LAMA4: variants seen among roughly 807,000 people sequenced by gnomAD.
The protein encoded by LAMA4 is laminin subunit alpha 4.
Under a neutral mutation model 207.1 loss-of-function variants are expected in LAMA4, and 127 were observed. The observed-to-expected ratio is 0.61, with a 90% CI of 0.53 to 0.71. The LOEUF is 0.71. Ranked by LOEUF, LAMA4 falls within the 30% of genes least tolerant of loss-of-function variation. The pLI, the probability that LAMA4 is intolerant of heterozygous loss-of-function variation, is 0.00. For missense variants in LAMA4, 2,093 were observed against 2,246.5 expected, an observed-to-expected ratio of 0.93 and a Z score of 1.38; for synonymous variants, 761 against 816.0, an observed-to-expected ratio of 0.93 and a Z score of 1.15.
chr6:112,156,059 CAGCATTGTTATTTCCTTTCTGTAG>C (rs1457975456), intron 14 of LAMA4, among the ~76,000 whole-genome samples: 1 of 152,194 alleles, frequency 6.6e-6, no homozygotes, highest in African/African-American at 2.4e-5. Context: ...TTATCCAAAT[CAGCATTGTTATTTCCTTTCTGTAG>C]AGGAAGCCAA....
At chr6:112,224,032 C>G (rs530023616) in intron 2 of LAMA4, among the ~76,000 whole-genome samples, 15 of 152,276 alleles carry the variant, frequency 9.9e-5, no homozygotes, top group African/African-American at 3.6e-4. Context: ...GAAAGAGAAG[C>G]CTTCTATCTG....
intron 28 of LAMA4, among the ~76,000 whole-genome samples, chr6:112,131,627 T>C (rs1343115051): frequency 4.6e-5 from 7 of 152,148 alleles, no homozygotes; most frequent in Non-Finnish European, 8.8e-5. Flanking sequence ...TTTCCTTATA[T>C]GGGCACCAAC....
intron 2 of LAMA4, among the ~76,000 whole-genome samples, chr6:112,248,326 C>T (rs1401617278): frequency 7.2e-5 from 11 of 151,816 alleles, no homozygotes; most frequent in African/African-American, 2.7e-4. Context: ...CGGTGAAACC[C>T]GTCTCTACTA....
At chr6:112,146,428 C>G (rs1457858932) in intron 18 of LAMA4, among the ~76,000 whole-genome samples, 1 of 152,138 alleles carries the variant, frequency 6.6e-6, no homozygotes, top group Non-Finnish European at 1.5e-5. Context: ...GCAGCAGCAG[C>G]ATCACCAGGA....
intron 22 of LAMA4, among the ~76,000 whole-genome samples, chr6:112,140,151 C>A (rs1240841901): frequency 6.6e-6 from 1 of 152,168 alleles, no homozygotes; most frequent in Non-Finnish European, 1.5e-5. Context: ...AAAAATCAGT[C>A]CTTGCGCCAG....
chr6:112,109,325 A>T lies in LAMA4; in HGVS notation c.*112T>A. 2 of 1,157,710 alleles carry T rather than the reference A, an allele frequency of 1.7e-6. No individual in the cohort carries two copies. The highest frequency in any genetic ancestry group is 2.5e-6 in the Non-Finnish European group (2 of 787,598). The allele number at this position is 1,157,710 out of a possible 1,614,324, so 71.7% of individuals were successfully genotyped here. A position where few individuals can be genotyped will look rare whatever the true frequency, so the allele number is the denominator to read the frequency against. On this transcript the variant is annotated 3_prime_UTR_variant, in exon 39 of 39. Coordinates refer to ENST00000230538, the MANE Select transcript of LAMA4 (RefSeq NM_001105206.3). ...CTGATGATTCGTTTAAGTCCTGTTC[A>T]ACTCGATGAAAGCTTCCACCCGAAG...
intron 23 of LAMA4, 79 bp downstream of exon 23, chr6:112,139,673 T>G: frequency 1.3e-6 from 2 of 1,551,606 alleles, no homozygotes; most frequent in South Asian, 2.2e-5. Flanking sequence ...TTTGAGAACC[T>G]GAATATTGAC....
chr6:112,202,182 C>T (rs781805266), intron 4 of LAMA4, among the ~76,000 whole-genome samples: 3 of 152,208 alleles, frequency 2.0e-5, no homozygotes, highest in Non-Finnish European at 2.9e-5. Flanking sequence ...AGACTGGCTG[C>T]GTCGATGAAA....
In LAMA4 at chr6:112,174,658, A is replaced by G. The variant is rs9372324; in HGVS notation, c.1357+655T>C. On this transcript the variant is annotated intron_variant, in intron 11 of 38. Transcript: ENST00000230538. ...CAGGCACATGCCACCACGCCCAGCT[A>G]TTTTTTGTATTTTTAGTAGAGATGG... Among the ~76,000 whole-genome samples, 66 of 151,998 alleles carry G rather than the reference A, an allele frequency of 4.3e-4. 1 individual carries two copies. In the East Asian group the frequency reaches 0.01, roughly 24 times the overall value.
chr6:112,165,386 T>G (rs563194746), intron 12 of LAMA4, 110 bp from the exon 13 acceptor site: 78 of 779,772 alleles, frequency 1.0e-4, no homozygotes, highest in South Asian at 3.3e-4. Context: ...AAATCTGGGT[T>G]CATATCCCAG....
intron 7 of LAMA4, 30 bp downstream of exon 7, chr6:112,189,080 G>A (rs782260800): frequency 5.5e-6 from 8 of 1,450,696 alleles, no homozygotes; most frequent in Non-Finnish European, 7.8e-6. Flanking sequence ...GAGAAAGTGG[G>A]GTTAGTCAAT....
intron 2 of LAMA4, among the ~76,000 whole-genome samples, chr6:112,241,600 T>A (rs62414018): frequency 0.27 from 40,506 of 151,990 alleles, 6,520 homozygotes; most frequent in Non-Finnish European, 0.37. Flanking sequence ...GGGGTTAATA[T>A]TAATGCCTTC....
At chr6:112,220,637 C>G (rs999871974) in intron 2 of LAMA4, among the ~76,000 whole-genome samples, 9 of 151,994 alleles carry the variant, frequency 5.9e-5, no homozygotes, top group Non-Finnish European at 1.3e-4. Context: ...CAAAGAGGAC[C>G]AAGTGAATGA....
At chr6:112,237,401 A>G (rs1193206242) in intron 2 of LAMA4, among the ~76,000 whole-genome samples, 2 of 152,244 alleles carry the variant, frequency 1.3e-5, no homozygotes, top group East Asian at 3.8e-4. Context: ...TTGATGTAGA[A>G]TATCAGCTTG....
At chr6:112,142,320 A>T in intron 19 of LAMA4, 28 bp from the exon 20 acceptor site, 2 of 1,611,702 alleles carry the variant, frequency 1.2e-6, no homozygotes, top group Non-Finnish European at 1.7e-6. Flanking sequence ...TTTCATTAAA[A>T]GTGCTTTGCA....
rs1289188257 is a variant in LAMA4, at chr6:112,177,560, G to A, written c.1189+561C>T. 4.6e-5 allele frequency among the ~76,000 whole-genome samples: 7 copies of A among 152,288 alleles called. No individual in the cohort carries two copies. The South Asian group carries it at 8.3e-4, about 18-fold the overall frequency. ...TATCCTGCATGTATTGCAAGTGAGA[G>A]CACAAATTAAGCAAACCTCCAAGAG... On this transcript the variant is annotated intron_variant, in intron 10 of 38. Coordinates refer to ENST00000230538, the MANE Select transcript of LAMA4 (RefSeq NM_001105206.3).
chr6:112,121,856 G>A (rs1778379399), intron 32 of LAMA4, 158 bp downstream of exon 32: 3 of 669,540 alleles, frequency 4.5e-6, no homozygotes, highest in Non-Finnish European at 8.1e-6. Context: ...TCTTTTGATA[G>A]CATAAATCAT....
At chr6:112,144,472 T>C (rs1779895371) in intron 19 of LAMA4, among the ~76,000 whole-genome samples, 1 of 152,256 alleles carries the variant, frequency 6.6e-6, no homozygotes, top group South Asian at 2.1e-4. Flanking sequence ...TTACTTCTTT[T>C]GCTATATTAG....
At chr6:112,145,916 A>C (rs1779998492) in intron 18 of LAMA4, among the ~76,000 whole-genome samples, 1 of 152,080 alleles carries the variant, frequency 6.6e-6, no homozygotes, top group African/African-American at 2.4e-5. Context: ...GAATACTGGG[A>C]AAAAAGGTAG....
Sources: allele counts gnomAD v4.1 joint callset (sites outside exome capture counted in the v4.1 genomes callset), GRCh38; gene constraint gnomAD v4.1.1; transcripts MANE v1.5; gene names NCBI Gene and HGNC (gene_info 2026-07-23, HGNC 2026-07-21).